Variants in NPR3 observed in about 807,000 individuals in gnomAD.
NPR3 encodes the protein atrial natriuretic peptide receptor 3.
A neutral mutation model predicts 54.5 loss-of-function variants in NPR3; 34 were observed. That is an observed-to-expected ratio of 0.62 (90% CI 0.47 to 0.83). The LOEUF is 0.83. Ranked by LOEUF, NPR3 falls within the 40% of genes least tolerant of loss-of-function variation. The pLI, the probability that NPR3 is intolerant of heterozygous loss-of-function variation, is 0.00. For missense variants in NPR3, 674 were observed against 720.8 expected, an observed-to-expected ratio of 0.94 and a Z score of 0.74; for synonymous variants, 289 against 297.1, an observed-to-expected ratio of 0.97 and a Z score of 0.28.
chr5:32,777,684 G>A (rs1210702212), intron 4 of NPR3, among the ~76,000 whole-genome samples: 1 of 152,156 alleles, frequency 6.6e-6, no homozygotes, highest in Non-Finnish European at 1.5e-5. Flanking sequence ...ATCTATGGTG[G>A]CAATTGGTAG....
At position 32,711,566 on chromosome 5, in the gene NPR3, C is replaced by CTT; in HGVS notation, c.-202_-201dup. 8.9e-7 allele frequency: 1 copy of CTT among 1,120,972 alleles called. No individual in the cohort carries two copies. The highest frequency in any genetic ancestry group is 3.6e-5 in the East Asian group (1 of 27,686). 69.4% of individuals were successfully genotyped at this position (1,120,972 alleles called of 1,614,324 possible). On this transcript the variant is annotated 5_prime_UTR_variant, in exon 1 of 8. Coordinates refer to ENST00000265074, the MANE Select transcript of NPR3 (RefSeq NM_001204375.2). ...CGGTGAACTTTTTCTTTTTCTTTTT[C>CTT]TTTTTTTTTTAAGAAAAACTAGTGA... is the stretch of plus-strand genomic sequence containing the variant.
rs1215049328 is a variant in NPR3 at position 32,738,985 on chromosome 5, G to A, written c.1014G>A (p.Glu338=). 1 of 1,613,986 alleles carries A rather than the reference G, an allele frequency of 6.2e-7. No individual in the cohort carries two copies. The highest frequency in any genetic ancestry group is 1.7e-5 in the Admixed American group (1 of 60,012). ...CTGAGTTTGAGAAGTTTTCCATGGA[G>A]GTGAAAAGTTCAGTTGAGAAACAAG... is the stretch of plus-strand genomic sequence containing the variant. ...VKPEFEKFSM[E]VKSSVEKQGL... is the part of the protein sequence containing the mutation. The change falls in exon 3 of 8, where the codon GAG becomes GAA. Residue 338 remains glutamate, a synonymous_variant. Transcript: ENST00000265074.
intron 1 of NPR3, among the ~76,000 whole-genome samples, chr5:32,699,866 T>C (rs1740624785): frequency 6.6e-6 from 1 of 152,222 alleles, no homozygotes; most frequent in Admixed American, 6.5e-5. Flanking sequence ...CCTTGAGCAT[T>C]TCTTGTAGGA....
chr5:32,782,261 G>T (rs901243190), intron 5 of NPR3, among the ~76,000 whole-genome samples: 1 of 152,104 alleles, frequency 6.6e-6, no homozygotes, highest in Non-Finnish European at 1.5e-5. Flanking sequence ...CCTGAAAGAC[G>T]CTCTTTAATT....
At chr5:32,695,408 G>A (rs1015542422) in intron 1 of NPR3, among the ~76,000 whole-genome samples, 1 of 152,146 alleles carries the variant, frequency 6.6e-6, no homozygotes, top group Non-Finnish European at 1.5e-5. Flanking sequence ...GGGACTACAG[G>A]TGCCCGCCAC....
At chr5:32,742,466 A>G (rs539159456) in intron 3 of NPR3, among the ~76,000 whole-genome samples, 2 of 152,286 alleles carry the variant, frequency 1.3e-5, no homozygotes, top group East Asian at 3.9e-4. Flanking sequence ...TAAAAAAATA[A>G]GTAAATAAGG....
intron 2 of NPR3, among the ~76,000 whole-genome samples, chr5:32,737,340 G>T (rs1429210858): frequency 6.6e-6 from 1 of 152,162 alleles, no homozygotes; most frequent in Non-Finnish European, 1.5e-5. Context: ...TATTTACAAT[G>T]CTCACCCTGC....
chr5:32,698,341 T>C (rs1388850217), intron 1 of NPR3, among the ~76,000 whole-genome samples: 3 of 151,642 alleles, frequency 2.0e-5, no homozygotes, highest in Non-Finnish European at 4.4e-5. Context: ...TCCATTGTGG[T>C]CAGAGAAGAT....
In NPR3 at chr5:32,701,274, T is replaced by C. The variant is rs150380479; in HGVS notation, c.100+12088T>C. Among the ~76,000 whole-genome samples the C allele has an allele frequency of 9.8e-5, 15 of 152,348 alleles. No homozygotes were observed. In the East Asian group the frequency reaches 2.7e-3, roughly 27 times the overall value. On this transcript the variant is annotated intron_variant, in intron 1 of 5. Transcript: ENST00000509104. The stretch of plus-strand genomic sequence containing the variant: ...TTCACTAGTTTTTTCTTCTGCATGA[T>C]CACTTCTGCTGTTAAGAGACTCTGA...
chr5:32,710,624 T>C (rs775505900), upstream of NPR3: 70 of 1,446,390 alleles, frequency 4.8e-5, no homozygotes, highest in Non-Finnish European at 6.2e-5. Flanking sequence ...AGGCGGGGTG[T>C]AGGTGACGCC....
intron 1 of NPR3, among the ~76,000 whole-genome samples, chr5:32,717,455 A>G (rs1439186354): frequency 1.3e-5 from 2 of 152,134 alleles, no homozygotes; most frequent in Non-Finnish European, 2.9e-5. Flanking sequence ...TTGAACTATA[A>G]TTTACACTCC....
rs1173243089 is a variant in NPR3 at position 32,790,134 on chromosome 5, A to G, written c.*3789A>G. 1 of 185,122 alleles carries G rather than the reference A, an allele frequency of 5.4e-6. No individual in the cohort carries two copies. The highest frequency in any genetic ancestry group is 1.3e-5 in the Non-Finnish European group (1 of 78,046). The allele number at this position is 185,122 out of a possible 1,614,324, so 11.5% of individuals were successfully genotyped here. A position where few individuals can be genotyped will look rare whatever the true frequency, so the allele number is the denominator to read the frequency against. On this transcript the variant is annotated 3_prime_UTR_variant, in exon 8 of 8. Transcript: ENST00000265074. ...CTGAAACTGTCTAAAAACACGGGAT[A>G]TATTTTAGAGGCAATTGTGGAAGCG...
intron 1 of NPR3, chr5:32,716,841 C>T (rs1390508923): frequency 1.3e-5 from 2 of 153,364 alleles, no homozygotes; most frequent in Admixed American, 1.3e-4. Context: ...TTTTAAATCT[C>T]CTGAGTGTTT....
At chr5:32,725,014 A>G (rs1244519672) in intron 2 of NPR3, among the ~76,000 whole-genome samples, 194 bp downstream of exon 2, 3 of 152,188 alleles carry the variant, frequency 2.0e-5, no homozygotes, top group Non-Finnish European at 2.9e-5. Flanking sequence ...AAACAAATTA[A>G]TGCAGGAACA....
At chr5:32,761,302 T>C (rs1273741149) in intron 3 of NPR3, among the ~76,000 whole-genome samples, 2 of 152,168 alleles carry the variant, frequency 1.3e-5, no homozygotes, top group African/African-American at 4.8e-5. Flanking sequence ...ACTGAGTCTT[T>C]CAATCCATGA....
In NPR3 at chr5:32,759,740, G is replaced by C. The variant is rs183779751; in HGVS notation, c.1060-14968G>C. Among the ~76,000 whole-genome samples, 567 of 152,288 alleles carry C rather than the reference G, an allele frequency of 3.7e-3. 1 individual carries two copies. The highest frequency in any genetic ancestry group is 0.011 in the African/African-American group (469 of 41,554). On this transcript the variant is annotated intron_variant, in intron 3 of 7. Transcript: ENST00000265074. ...ATTTGGCATGTTTTTGCAGTGGCTG[G>C]TAGCAGTTGTTCCTTTCCATGTTTA...
intron 2 of NPR3, among the ~76,000 whole-genome samples, chr5:32,737,025 T>C (rs867807537): frequency 1.3e-5 from 2 of 152,216 alleles, no homozygotes; most frequent in South Asian, 4.1e-4. Flanking sequence ...GGCTCTAGAC[T>C]AAGTGCCCAG....
chr5:32,753,226 G>C (rs1740663947), intron 3 of NPR3, among the ~76,000 whole-genome samples: 1 of 151,948 alleles, frequency 6.6e-6, no homozygotes, highest in Non-Finnish European at 1.5e-5. Context: ...TTAGAAAGAT[G>C]TTTTGCAATA....
intron 3 of NPR3, among the ~76,000 whole-genome samples, chr5:32,769,902 G>A (rs1003051607): frequency 6.6e-6 from 1 of 152,240 alleles, no homozygotes; most frequent in African/African-American, 2.4e-5. Flanking sequence ...AGAAAGAAGT[G>A]AGAGCGACGT....
Sources: allele counts gnomAD v4.1 joint callset (sites outside exome capture counted in the v4.1 genomes callset), GRCh38; gene constraint gnomAD v4.1.1; transcripts MANE v1.5; gene names NCBI Gene and HGNC (gene_info 2026-07-23, HGNC 2026-07-21).